AGK: variants seen among roughly 807,000 people sequenced by gnomAD.
AGK encodes acylglycerol kinase.
A neutral mutation model predicts 66.4 loss-of-function variants in AGK; 52 were observed. The ratio of observed to expected loss-of-function variants is 0.78; its 90% confidence interval spans 0.63 to 0.99. The LOEUF is 0.99. AGK is among the 50% of genes least tolerant of loss of function. AGK has a pLI of 0.00. For missense variants in AGK, 451 were observed against 506.6 expected (o/e 0.89, Z 1.05); for synonymous variants, 182 against 181.1 (o/e 1.00, Z -0.04).
At chr7:141,643,534 A>G (rs1278796112) in intron 13 of AGK, among the ~76,000 whole-genome samples, 1 of 152,192 alleles carries the variant, frequency 6.6e-6, no homozygotes, top group Non-Finnish European at 1.5e-5. Flanking sequence ...TTAGCATGTG[A>G]TAGACCAGGA....
At chr7:141,624,132 G>A (rs984674175) in intron 9 of AGK, among the ~76,000 whole-genome samples, 7 of 152,130 alleles carry the variant, frequency 4.6e-5, no homozygotes, top group Non-Finnish European at 1.0e-4. Flanking sequence ...CGAGAGCCCT[G>A]ATGGACATGT....
At chr7:141,628,952 A>G (rs1796999249) in intron 9 of AGK, among the ~76,000 whole-genome samples, 1 of 152,196 alleles carries the variant, frequency 6.6e-6, no homozygotes. Context: ...TTTTTCAACT[A>G]GATTCTTAAG....
At chr7:141,641,122 T>C in intron 11 of AGK, 126 bp from the exon 12 acceptor site, 1 of 788,410 alleles carries the variant, frequency 1.3e-6, no homozygotes, top group South Asian at 2.3e-5. Flanking sequence ...TTCCATCCAG[T>C]GAGAGGAGAT....
chr7:141,584,749 T>C (rs1795960972), intron 2 of AGK, among the ~76,000 whole-genome samples: 1 of 152,228 alleles, frequency 6.6e-6, no homozygotes, highest in Non-Finnish European at 1.5e-5. Flanking sequence ...CTGTTTTTCT[T>C]TTGCTAAACT....
intron 2 of AGK, among the ~76,000 whole-genome samples, chr7:141,591,244 C>T (rs1008707682): frequency 3.3e-5 from 5 of 151,876 alleles, no homozygotes; most frequent in African/African-American, 4.8e-5. Context: ...AGGCATGCAC[C>T]AGCATGCCCG....
intron 5 of AGK, among the ~76,000 whole-genome samples, chr7:141,607,962 A>G (rs940652329): frequency 2.0e-5 from 3 of 152,104 alleles, no homozygotes; most frequent in African/African-American, 7.2e-5. Context: ...AAATCTGTCA[A>G]GATCTTTTAA....
At chr7:141,578,612 C>A (rs115614686) in intron 2 of AGK, among the ~76,000 whole-genome samples, 79 of 151,672 alleles carry the variant, frequency 5.2e-4, no homozygotes, top group African/African-American at 1.8e-3. Context: ...GGAGTAGGGG[C>A]AGTGTGGGAA....
chr7:141,558,159 C>A (rs537079748), intron 2 of AGK, among the ~76,000 whole-genome samples: 3 of 151,734 alleles, frequency 2.0e-5, no homozygotes, highest in South Asian at 4.2e-4. Flanking sequence ...ATTATCTTTA[C>A]CTTTTCTTTT....
intron 14 of AGK, 67 bp downstream of exon 14, chr7:141,649,400 C>G (rs1184737090): frequency 8.5e-7 from 1 of 1,174,244 alleles, no homozygotes; most frequent in Non-Finnish European, 1.3e-6. Context: ...TTCAGAGTGC[C>G]CCATGAAGTC....
intron 13 of AGK, among the ~76,000 whole-genome samples, chr7:141,646,213 C>T (rs534869667): frequency 4.6e-5 from 7 of 152,206 alleles, no homozygotes; most frequent in South Asian, 2.1e-4. Context: ...TAGAGGTTTA[C>T]GGAGGTGTCC....
chr7:141,562,639 C>T (rs1795374999), intron 2 of AGK, among the ~76,000 whole-genome samples: 1 of 152,190 alleles, frequency 6.6e-6, no homozygotes, highest in Non-Finnish European at 1.5e-5. Flanking sequence ...TAGGGGATAA[C>T]TGATAGTGAA....
intron 4 of AGK, chr7:141,597,135 G>A (rs1170068264): frequency 6.5e-6 from 1 of 153,862 alleles, no homozygotes; most frequent in Non-Finnish European, 1.4e-5. Flanking sequence ...GGAGACAGGA[G>A]TGACCTAGTT....
At position 141,602,173 on chromosome 7, in the gene AGK, T is replaced by TGTGTGTGTGTGTGTGTGTGTGTG. The variant is rs1587114560; in HGVS notation, c.297+893_297+894insGTGTGTGTGTGTGTGTGTGTGTG. 1.4e-3 allele frequency among the ~76,000 whole-genome samples: 179 copies of TGTGTGTGTGTGTGTGTGTGTGTG among 125,378 alleles called. 3 individuals are homozygous for TGTGTGTGTGTGTGTGTGTGTGTG. The highest frequency in any genetic ancestry group is 8.8e-3 in the East Asian group (34 of 3,842). The allele number at this position is 125,378 out of a possible 152,430, so 82.3% of individuals were successfully genotyped here. A position where few individuals can be genotyped will look rare whatever the true frequency, so the allele number is the denominator to read the frequency against. On this transcript the variant is annotated intron_variant, in intron 5 of 15. Transcript: ENST00000649286. ...GAGCTTTCCTTGAGGGGAGATTTTC[T>TGTGTGTGTGTGTGTGTGTGTGTG]TGTGTGTGTGTGTGTGTGTGTGTGT...
intron 2 of AGK, among the ~76,000 whole-genome samples, chr7:141,577,401 C>A (rs771837405): frequency 6.6e-6 from 1 of 152,208 alleles, no homozygotes; most frequent in Non-Finnish European, 1.5e-5. Flanking sequence ...TTAAATCTAC[C>A]TATGACCTAG....
At chr7:141,647,360 T>C (rs115751877) in intron 13 of AGK, among the ~76,000 whole-genome samples, 1 of 152,328 alleles carries the variant, frequency 6.6e-6, no homozygotes, top group African/African-American at 2.4e-5. Flanking sequence ...TCTGCTGATG[T>C]AGCTCCTCTC....
Position 141,652,497 on chromosome 7 carries a change from G to T in AGK, c.1132-290G>T, listed in dbSNP as rs193163137. 5.5e-4 allele frequency: 139 copies of T among 255,018 alleles called. 2 individuals are homozygous for T. Among genetic ancestry groups the T allele is most frequent in the Non-Finnish European group, 9.3e-4 (121 of 130,424 alleles). 15.8% of individuals were successfully genotyped at this position (255,018 alleles called of 1,614,324 possible). A position where few individuals can be genotyped will look rare whatever the true frequency, so the allele number is the denominator to read the frequency against. ...GACCCTTGCCTTTTAATACATATTT[G>T]AAAATTATAACCATGTTGTTCAAAT... On this transcript the variant is annotated intron_variant, in intron 15 of 15. Coordinates refer to ENST00000649286, the MANE Select transcript of AGK (RefSeq NM_018238.4).
intron 9 of AGK, among the ~76,000 whole-genome samples, chr7:141,622,874 C>G (rs1474322676): frequency 6.7e-6 from 1 of 149,506 alleles, no homozygotes; most frequent in South Asian, 2.1e-4. Flanking sequence ...GCCAACATGG[C>G]GAAACACCAT....
At chr7:141,596,244 A>G (rs1032165502) in intron 3 of AGK, among the ~76,000 whole-genome samples, 9 of 152,228 alleles carry the variant, frequency 5.9e-5, no homozygotes, top group Admixed American at 5.2e-4. Flanking sequence ...TTCTCTCCTG[A>G]CAGACTATGG....
chr7:141,644,461 G>A (rs1797361678), intron 13 of AGK, among the ~76,000 whole-genome samples: 1 of 152,174 alleles, frequency 6.6e-6, no homozygotes, highest in Non-Finnish European at 1.5e-5. Context: ...TGTAGCTGCC[G>A]TGTAATAGCT....
Sources: allele counts gnomAD v4.1 joint callset (sites outside exome capture counted in the v4.1 genomes callset), GRCh38; gene constraint gnomAD v4.1.1; transcripts MANE v1.5; gene names NCBI Gene and HGNC (gene_info 2026-07-23, HGNC 2026-07-21).